The following KIAA2012 variants were observed in gnomAD, a reference collection of about 807,000 sequenced individuals.
The protein encoded by KIAA2012 is KIAA2012.
KIAA2012 carries 125 observed loss-of-function variants against 150.6 expected under a neutral mutation model. That is an observed-to-expected ratio of 0.83 (90% CI 0.72 to 0.96). The LOEUF (loss-of-function observed/expected upper bound fraction) is 0.96. Ranked by LOEUF, KIAA2012 falls within the 40% of genes least tolerant of loss-of-function variation. KIAA2012 has a pLI of 0.00. For synonymous variants in KIAA2012, 462 were observed against 504.7 expected, an observed-to-expected ratio of 0.92 and a Z score of 1.13; for missense variants, 1,219 against 1,354.9, an observed-to-expected ratio of 0.90 and a Z score of 1.57.
Position 202,105,864 on chromosome 2 carries a change from A to C in KIAA2012, c.1428A>C (p.Thr476=). 1 of 1,550,906 alleles carries C rather than the reference A, an allele frequency of 6.4e-7. No homozygotes were observed. Among genetic ancestry groups the C allele is most frequent in the African/African-American group, 1.4e-5 (1 of 73,186 alleles). ...HASLETPWEL[T]VHLPVDASRD... ...CCTTAGAAACACCATGGGAGTTAACAGTGCATCTCCCAGTGGACGCGAGCA... is the reference window on the plus strand; with the variant it reads ...CCTTAGAAACACCATGGGAGTTAACCGTGCATCTCCCAGTGGACGCGAGCA... Residue 476 remains threonine (T), a synonymous_variant, in exon 9 of 24, where the codon ACA becomes ACC. Transcript: ENST00000498697.
At chr2:202,146,017 T>C (rs1691287789) in intron 13 of KIAA2012, among the ~76,000 whole-genome samples, 1 of 151,860 alleles carries the variant, frequency 6.6e-6, no homozygotes, top group African/African-American at 2.4e-5. Context: ...AAACAGCCAA[T>C]GTTTTTGAGT....
In KIAA2012 at chr2:202,144,365, T is replaced by C. The variant is rs575478315; in HGVS notation, c.1908+5857T>C. Among the ~76,000 whole-genome samples, 81 of 152,326 alleles carry C rather than the reference T, an allele frequency of 5.3e-4. No individual in the cohort carries two copies. In the Middle Eastern group the frequency reaches 0.017, roughly 32 times the overall value. On this transcript the variant is annotated intron_variant, in intron 13 of 23. Transcript: ENST00000498697. ...CTTATGTATCCTAAGTGTATCTCTTTTGGATTTCAAAGAGTAGCCTGTAAT... is the reference window on the plus strand; with the variant it reads ...CTTATGTATCCTAAGTGTATCTCTTCTGGATTTCAAAGAGTAGCCTGTAAT...
At chr2:202,194,157 T>C in intron 20 of KIAA2012, 33 bp from the exon 21 acceptor site, 1 of 1,549,176 alleles carries the variant, frequency 6.5e-7, no homozygotes, top group Admixed American at 2.0e-5. Context: ...CAGTGTTTTC[T>C]GCCATTTCCC....
intron 15 of KIAA2012, among the ~76,000 whole-genome samples, chr2:202,176,061 G>T (rs1384249968): frequency 6.6e-6 from 1 of 152,174 alleles, no homozygotes; most frequent in African/African-American, 2.4e-5. Context: ...AAAATATCAG[G>T]TGTATTCAGG....
intron 12 of KIAA2012, among the ~76,000 whole-genome samples, chr2:202,126,681 C>A (rs895396971): frequency 6.6e-5 from 10 of 151,974 alleles, no homozygotes; most frequent in African/African-American, 2.4e-4. Context: ...GTTATATATT[C>A]CTGATATGCC....
At chr2:202,188,298 G>A in intron 18 of KIAA2012, 32 bp downstream of exon 18, 1 of 1,517,982 alleles carries the variant, frequency 6.6e-7, no homozygotes, top group Non-Finnish European at 8.9e-7. Flanking sequence ...TAACAACCTG[G>A]AGAAGACTTC....
intron 13 of KIAA2012, among the ~76,000 whole-genome samples, chr2:202,144,285 C>T (rs188807324): frequency 6.6e-6 from 1 of 152,286 alleles, no homozygotes; most frequent in African/African-American, 2.4e-5. Context: ...TCAACCTATA[C>T]TATCTCTTGA....
intron 20 of KIAA2012, 50 bp downstream of exon 20, chr2:202,193,553 A>C: frequency 1.3e-6 from 2 of 1,539,618 alleles, no homozygotes; most frequent in Non-Finnish European, 8.8e-7. Context: ...AAGCAGAAGA[A>C]AAAGACAGTG....
intron 22 of KIAA2012, among the ~76,000 whole-genome samples, chr2:202,200,773 C>G (rs1692504189): frequency 1.6e-5 from 2 of 126,888 alleles, no homozygotes; most frequent in Non-Finnish European, 3.1e-5. Flanking sequence ...ATGGTGTGAT[C>G]TCGGCTCACC....
intron 15 of KIAA2012, among the ~76,000 whole-genome samples, chr2:202,166,870 C>A (rs1691778251): frequency 6.6e-6 from 1 of 152,106 alleles, no homozygotes; most frequent in Non-Finnish European, 1.5e-5. Flanking sequence ...AAATCAGCAA[C>A]CTCCAAATCA....
At chr2:202,195,103 G>T (rs956350259) in intron 21 of KIAA2012, among the ~76,000 whole-genome samples, 3 of 151,930 alleles carry the variant, frequency 2.0e-5, no homozygotes, top group African/African-American at 7.3e-5. Context: ...AACAATAATT[G>T]TACATATTTA....
rs188423282 is a variant in KIAA2012, at chr2:202,082,464, T to C, written c.369+7289T>C. ...GTTGCCTGCCTTTTCACTCGGTTGA[T>C]AGTGTCCTTTGATGCACAAAAGTAG... On this transcript the variant is annotated intron_variant, in intron 2 of 23. Coordinates refer to ENST00000498697, the MANE Select transcript of KIAA2012 (RefSeq NM_001277372.4). Among the ~76,000 whole-genome samples the C allele has an allele frequency of 8.5e-5, 13 of 152,224 alleles. No homozygotes were observed. The East Asian group carries it at 2.3e-3, about 27-fold the overall frequency.
intron 2 of KIAA2012, among the ~76,000 whole-genome samples, chr2:202,084,307 C>G (rs1689514047): frequency 6.6e-6 from 1 of 152,194 alleles, no homozygotes; most frequent in Non-Finnish European, 1.5e-5. Flanking sequence ...CCGTCTCCTT[C>G]TATCCTCTGA....
intron 14 of KIAA2012, among the ~76,000 whole-genome samples, chr2:202,163,013 A>C (rs887995779): frequency 6.6e-6 from 1 of 151,988 alleles, no homozygotes; most frequent in East Asian, 1.9e-4. Context: ...AATTTATTTA[A>C]CTAGTCCTCA....
Position 202,196,847 on chromosome 2 carries a change from G to C in KIAA2012, c.3235G>C (p.Glu1079Gln). 1.3e-6 allele frequency: 2 copies of C among 1,550,468 alleles called. No homozygotes were observed. Among genetic ancestry groups the C allele is most frequent in the Non-Finnish European group, 8.7e-7 (1 of 1,146,964 alleles). The part of the protein sequence containing the change: ...QEELEMQLEE[E>Q]QKHLMEMAEE... ...GGAATTGGAAATGCAGTTAGAAGAAGAACAAAAACACCTGATGGAAATGGC... is the reference window on the plus strand; with the variant it reads ...GGAATTGGAAATGCAGTTAGAAGAACAACAAAAACACCTGATGGAAATGGC... The change falls in exon 22 of 24, where the codon GAA becomes CAA. Residue 1079 changes from glutamate to glutamine, a missense_variant. Coordinates refer to ENST00000498697, the MANE Select transcript of KIAA2012 (RefSeq NM_001277372.4).
chr2:202,117,210 A>T (rs150362261), intron 11 of KIAA2012, among the ~76,000 whole-genome samples: 1 of 152,244 alleles, frequency 6.6e-6, no homozygotes, highest in African/African-American at 2.4e-5. Flanking sequence ...GCAGTAATAG[A>T]TAACTAGTAT....
At position 202,131,317 on chromosome 2, in the gene KIAA2012, T is replaced by G. The variant is rs1690922383; in HGVS notation, c.1831+6035T>G. On this transcript the variant is annotated intron_variant, in intron 12 of 23. Transcript: ENST00000498697. ...ACCACACCTGGCTAATTTTTTGTATTTTTAGTACAGATGAGGTTTCACCAT... is the reference window on the plus strand; with the variant it reads ...ACCACACCTGGCTAATTTTTTGTATGTTTAGTACAGATGAGGTTTCACCAT... Among the ~76,000 whole-genome samples the G allele has an allele frequency of 2.6e-5, 4 of 152,086 alleles. No individual in the cohort carries two copies. The South Asian group carries it at 8.3e-4, about 31-fold the overall frequency.
At chr2:202,112,109 GT>G (rs1690373984) in intron 10 of KIAA2012, among the ~76,000 whole-genome samples, 1 of 152,162 alleles carries the variant, frequency 6.6e-6, no homozygotes, top group Non-Finnish European at 1.5e-5. Flanking sequence ...AAACACCTGA[GT>G]TTATGCTAAT....
intron 4 of KIAA2012, among the ~76,000 whole-genome samples, chr2:202,095,129 C>T (rs371501801): frequency 6.6e-6 from 1 of 152,044 alleles, no homozygotes; most frequent in Non-Finnish European, 1.5e-5. Flanking sequence ...TTCATTATAC[C>T]TCCTTAGCTT....
Sources: allele counts gnomAD v4.1 joint callset (sites outside exome capture counted in the v4.1 genomes callset), GRCh38; gene constraint gnomAD v4.1.1; transcripts MANE v1.5; gene names NCBI Gene and HGNC (gene_info 2026-07-23, HGNC 2026-07-21).